Variants in WDR19 observed in about 807,000 individuals in gnomAD.
WDR19 encodes the protein WD repeat domain 19.
A neutral mutation model predicts 180.0 loss-of-function variants in WDR19; 121 were observed. The ratio of observed to expected loss-of-function variants is 0.67; its 90% CI spans 0.58 to 0.78. The LOEUF (loss-of-function observed/expected upper bound fraction) is 0.78. Ranked by LOEUF, WDR19 falls within the 30% of genes least tolerant of loss-of-function variation. The pLI is 0.00. For missense variants in WDR19, 1,450 were observed against 1,640.7 expected (o/e 0.88, Z 2.01); for synonymous variants, 497 against 540.7 (o/e 0.92, Z 1.12).
chr4:39,278,772 C>A (rs1736167335), intron 36 of WDR19, 109 bp downstream of exon 36: 2 of 539,644 alleles, frequency 3.7e-6, no homozygotes, highest in Admixed American at 3.5e-5. Flanking sequence ...ATGGAACTTG[C>A]CAGATTTGAA....
chr4:39,261,148 T>A (rs1734255560), intron 28 of WDR19, among the ~76,000 whole-genome samples: 1 of 151,342 alleles, frequency 6.6e-6, no homozygotes, highest in African/African-American at 2.4e-5. Context: ...GCGGCTATTT[T>A]TTTTTTTTTT....
intron 30 of WDR19, among the ~76,000 whole-genome samples, chr4:39,269,161 C>T (rs549728742): frequency 7.9e-5 from 12 of 152,218 alleles, no homozygotes; most frequent in Admixed American, 2.6e-4. Context: ...CAGAAAGGAG[C>T]GCAGAGGCCG....
At chr4:39,185,206 C>A (rs1162240684) in intron 1 of WDR19, among the ~76,000 whole-genome samples, 1 of 152,174 alleles carries the variant, frequency 6.6e-6, no homozygotes, top group Non-Finnish European at 1.5e-5. Context: ...CAGTTGATAA[C>A]ACTATTCACC....
intron 36 of WDR19, among the ~76,000 whole-genome samples, chr4:39,281,215 GTATATA>G (rs1553919965): frequency 8.2e-5 from 9 of 110,118 alleles, no homozygotes; most frequent in African/African-American, 1.3e-4. Context: ...ATGTGTGTGT[GTATATA>G]TATATATATA....
chr4:39,272,920 A>C, intron 31 of WDR19, 60 bp from the exon 32 acceptor site: 18 of 1,386,864 alleles, frequency 1.3e-5, no homozygotes, highest in Non-Finnish European at 1.7e-5. Flanking sequence ...TGGGGGAACA[A>C]AGCATGAATT....
chr4:39,240,261 CTT>C lies in WDR19; in HGVS notation c.2364-15_2364-14del, dbSNP rs555557314. On this transcript the variant is annotated splice_polypyrimidine_tract_variant and intron_variant, in intron 20 of 36. Coordinates refer to ENST00000399820, the MANE Select transcript of WDR19 (RefSeq NM_025132.4). ...TATATTAAAATTATTAAAATTCACTCTTATTTTTTTTTCAGGGGTGATTATGT... is the reference window on the plus strand; with the variant it reads ...TATATTAAAATTATTAAAATTCACTCATTTTTTTTTCAGGGGTGATTATGT... 432 of 1,230,580 alleles carry C rather than the reference CTT, an allele frequency of 3.5e-4. No homozygotes were observed. The highest frequency in any genetic ancestry group is 3.4e-3 in the East Asian group (90 of 26,260). 76.2% of individuals were successfully genotyped at this position (1,230,580 alleles called of 1,614,324 possible). A position where few individuals can be genotyped will look rare whatever the true frequency, so the allele number is the denominator to read the frequency against.
intron 13 of WDR19, among the ~76,000 whole-genome samples, chr4:39,217,516 T>C (rs1334803818): frequency 1.3e-5 from 2 of 152,158 alleles, no homozygotes; most frequent in South Asian, 2.1e-4. Flanking sequence ...TGTTGGTAAA[T>C]TGGAGCTAGA....
chr4:39,272,774 A>T (rs549539558), intron 31 of WDR19, among the ~76,000 whole-genome samples: 2 of 152,206 alleles, frequency 1.3e-5, no homozygotes, highest in Non-Finnish European at 2.9e-5. Context: ...AAAGCAGAGC[A>T]TAGAGTAGGT....
In WDR19 at chr4:39,272,978, A is replaced by C. The variant is rs1553918403; in HGVS notation, c.3484-2A>C. On this transcript the variant is annotated splice_acceptor_variant, in intron 31 of 36. Transcript: ENST00000399820. LOFTEE classifies it high-confidence loss of function. ...AAGAGTAAAATATGTCATTTGTTTC[A>C]GATTCATGTTAAAAATGGAGATCAC... 1.3e-6 allele frequency: 2 copies of C among 1,592,368 alleles called. No homozygotes were observed. Among genetic ancestry groups the C allele is most frequent in the Non-Finnish European group, 1.7e-6 (2 of 1,169,170 alleles).
intron 19 of WDR19, among the ~76,000 whole-genome samples, chr4:39,232,784 C>G (rs1277478268): frequency 6.6e-6 from 1 of 152,008 alleles, no homozygotes; most frequent in African/African-American, 2.4e-5. Context: ...AGCACAGACA[C>G]TATATGCCTT....
intron 29 of WDR19, 45 bp downstream of exon 29, chr4:39,266,185 C>T (rs913138126): frequency 6.8e-7 from 1 of 1,463,814 alleles, no homozygotes; most frequent in Non-Finnish European, 9.2e-7. Flanking sequence ...GTCTCAGTTA[C>T]AGTTTGATTC....
chr4:39,263,192 C>T (rs1187561531), intron 28 of WDR19, among the ~76,000 whole-genome samples: 1 of 151,860 alleles, frequency 6.6e-6, no homozygotes, highest in Non-Finnish European at 1.5e-5. Context: ...CACTGGTGTC[C>T]CTCAGGTGAG....
At chr4:39,270,171 C>T in intron 31 of WDR19, 71 bp downstream of exon 31, 4 of 1,579,016 alleles carry the variant, frequency 2.5e-6, no homozygotes, top group Non-Finnish European at 3.5e-6. Flanking sequence ...TTCTCCAGGC[C>T]CTTCTCCATT....
At chr4:39,216,244 G>T (rs1221677120) in intron 12 of WDR19, 34 bp downstream of exon 12, 2 of 1,485,084 alleles carry the variant, frequency 1.3e-6, no homozygotes, top group African/African-American at 2.9e-5. Context: ...TTCTTATCTA[G>T]CACATAATTT....
At chr4:39,249,059 C>T (rs564637969) in intron 24 of WDR19, among the ~76,000 whole-genome samples, 83 of 152,226 alleles carry the variant, frequency 5.5e-4, no homozygotes, top group Non-Finnish European at 9.1e-4. Context: ...ACGTTCTTTT[C>T]AGCAACTATT....
rs548910020 is a variant in WDR19 at position 39,278,049 on chromosome 4, G to A, written c.3841-82G>A. 2,817 of 1,004,388 alleles carry A rather than the reference G, an allele frequency of 2.8e-3. 6 individuals are homozygous for A. The highest frequency in any genetic ancestry group is 3.6e-3 in the Middle Eastern group (16 of 4,488). The allele number at this position is 1,004,388 out of a possible 1,614,324, so 62.2% of individuals were successfully genotyped here. On this transcript the variant is annotated intron_variant, in intron 34 of 36. Coordinates refer to ENST00000399820, the MANE Select transcript of WDR19 (RefSeq NM_025132.4). ...AGCCTGGGTGACTGGGCAAGATTCC[G>A]TCAAAAAAAAAAAAAAAATTGACTA... is the stretch of plus-strand genomic sequence containing the variant.
intron 21 of WDR19, 106 bp downstream of exon 21, chr4:39,240,440 G>A: frequency 1.7e-6 from 1 of 575,940 alleles, no homozygotes; most frequent in Non-Finnish European, 2.6e-6. Flanking sequence ...TATCTAGCAG[G>A]TGAGTGTTTT....
chr4:39,275,404 C>T (rs2109516937), intron 33 of WDR19: 1 of 234,426 alleles, frequency 4.3e-6, no homozygotes, highest in South Asian at 6.2e-5. Context: ...CATCAGAAAA[C>T]CTAACAGCAG....
At chr4:39,276,075 G>A (rs1578055472) in intron 33 of WDR19, among the ~76,000 whole-genome samples, 1 of 152,120 alleles carries the variant, frequency 6.6e-6, no homozygotes, top group African/African-American at 2.4e-5. Context: ...TGACATGTGG[G>A]GTTCCTGTTC....
Sources: allele counts gnomAD v4.1 joint callset (sites outside exome capture counted in the v4.1 genomes callset), GRCh38; gene constraint gnomAD v4.1.1; transcripts MANE v1.5; gene names NCBI Gene and HGNC (gene_info 2026-07-23, HGNC 2026-07-21).